COLGALT1: variants seen among roughly 807,000 people sequenced by gnomAD.
The protein encoded by COLGALT1 is procollagen galactosyltransferase 1.
A neutral mutation model predicts 60.8 loss-of-function variants in COLGALT1; 43 were observed. The ratio of observed to expected loss-of-function variants is 0.71; its 90% confidence interval spans 0.55 to 0.91. The LOEUF is 0.91. COLGALT1 is among the 40% of genes least tolerant of loss of function. The pLI is 0.00. For missense variants in COLGALT1, 845 were observed against 880.0 expected, an observed-to-expected ratio of 0.96 and a Z score of 0.50; for synonymous variants, 369 against 374.2, an observed-to-expected ratio of 0.99 and a Z score of 0.16.
At chr19:17,577,003 T>TGAGAGGCAGGACTGGGGGCGGGGTGAAGA in intron 6 of COLGALT1, 192 bp from the exon 7 acceptor site, 1 of 587,588 alleles carries the variant, frequency 1.7e-6, no homozygotes. Context: ...TGGCCAGGGC[T>TGAGAGGCAGGACTGGGGGCGGGGTGAAGA]TTGGGCTGCT....
rs1207726925 is a variant in COLGALT1, at chr19:17,555,754, C to T, written c.41C>T (p.Pro14Leu). The change falls in exon 1 of 12, where the codon CCG becomes CTG. Residue 14 changes from proline to leucine, a missense_variant. Transcript: ENST00000252599. ...APRAGRRRGQPLLALLLLLLA... is the reference protein window; with the variant it reads ...APRAGRRRGQLLLALLLLLLA... ...CGCGCGGGCCGGCGGCGCGGGCAGC[C>T]GCTCCTGGCGCTGCTGCTTCTGCTG... 4.1e-6 allele frequency: 5 copies of T among 1,215,418 alleles called. No individual in the cohort carries two copies. The highest frequency in any genetic ancestry group is 4.1e-5 in the South Asian group (1 of 24,400). The allele number at this position is 1,215,418 out of a possible 1,614,324, so 75.3% of individuals were successfully genotyped here.
rs1568476830 is a variant in COLGALT1 at position 17,568,613 on chromosome 19, GAAGGCGGCGTCCA to G, written c.730_742del (p.Lys244GlyfsTer70). ...ACTCGACCTTCCTGATCGACCTGCG[GAAGGCGGCGTCCA>G]GGAACCTGGCCTTCTACCCACCTCA... On this transcript the variant is annotated frameshift_variant, in exon 5 of 12. Transcript: ENST00000252599. LOFTEE classifies it high-confidence loss of function. 1.2e-6 allele frequency: 2 copies of G among 1,614,220 alleles called. No individual in the cohort carries two copies. Among genetic ancestry groups the G allele is most frequent in the East Asian group, 4.5e-5 (2 of 44,884 alleles).
rs1322998172 is a variant in COLGALT1, at chr19:17,582,230, T to C, written c.*786T>C. 6.6e-6 allele frequency: 1 copy of C among 152,128 alleles called. No individual in the cohort carries two copies. The highest frequency in any genetic ancestry group is 1.5e-5 in the Non-Finnish European group (1 of 68,020). 9.4% of individuals were successfully genotyped at this position (152,128 alleles called of 1,614,324 possible). A position where few individuals can be genotyped will look rare whatever the true frequency, so the allele number is the denominator to read the frequency against. ...AGCCCAGGCTCTGGGAATATTGAGATAAATAAGATGCTTCTATCCATTTAT... is the reference window on the plus strand; with the variant it reads ...AGCCCAGGCTCTGGGAATATTGAGACAAATAAGATGCTTCTATCCATTTAT... On this transcript the variant is annotated 3_prime_UTR_variant, in exon 12 of 12. Coordinates refer to ENST00000252599, the MANE Select transcript of COLGALT1 (RefSeq NM_024656.4).
rs772308277 is a variant in COLGALT1 at position 17,577,490 on chromosome 19, G to A, written c.1133+23G>A. The A allele has an allele frequency of 1.4e-5, 5 of 345,990 alleles. 1 individual carries two copies. Among genetic ancestry groups the A allele is most frequent in the African/African-American group, 4.5e-5 (2 of 44,724 alleles). The allele number at this position is 345,990 out of a possible 1,614,324, so 21.4% of individuals were successfully genotyped here. A position where few individuals can be genotyped will look rare whatever the true frequency, so the allele number is the denominator to read the frequency against. ...CAAGTGAGTCCGAGGCCTGGGGGTG[G>A]GGGGGCGGGTCCGCACGTGGATGTG... is the stretch of plus-strand genomic sequence containing the variant. On this transcript the variant is annotated intron_variant, in intron 8 of 11. Transcript: ENST00000252599.
chr19:17,572,369 C>G (rs1438877345), intron 5 of COLGALT1, 114 bp from the exon 6 acceptor site: 1 of 1,523,340 alleles, frequency 6.6e-7, no homozygotes, highest in East Asian at 2.3e-5. Context: ...GTCTCAGACA[C>G]CTGACCTCAA....
At chr19:17,568,851 T>C (rs2076295692) in intron 5 of COLGALT1, 138 bp downstream of exon 5, 2 of 802,196 alleles carry the variant, frequency 2.5e-6, no homozygotes, top group African/African-American at 3.4e-5. Flanking sequence ...TGCAGCTGTA[T>C]CTAGGTGTTC....
At chr19:17,578,117 G>C in intron 9 of COLGALT1, 28 bp downstream of exon 9, 2 of 1,574,150 alleles carry the variant, frequency 1.3e-6, no homozygotes, top group South Asian at 2.3e-5. Context: ...GGCGGGGCCA[G>C]AGTTATGACT....
At position 17,583,134 on chromosome 19, in the gene COLGALT1, A is replaced by G. The variant is rs2076394923; in HGVS notation, c.*1690A>G. ...TGGGGATAACTTGCTTAGTTTTTTA[A>G]TAAATGTTCCTGGTTGGTTTTCACA... On this transcript the variant is annotated 3_prime_UTR_variant, in exon 12 of 12. Transcript: ENST00000252599. The G allele has an allele frequency of 6.6e-6, 1 of 152,158 alleles. No individual in the cohort carries two copies. The highest frequency in any genetic ancestry group is 2.1e-4 in the South Asian group (1 of 4,832). The allele number at this position is 152,158 out of a possible 1,614,324, so 9.4% of individuals were successfully genotyped here. A position where few individuals can be genotyped will look rare whatever the true frequency, so the allele number is the denominator to read the frequency against.
chr19:17,579,167 CAAAAA>C (rs773192619), intron 9 of COLGALT1, among the ~76,000 whole-genome samples: 1 of 75,790 alleles, frequency 1.3e-5, no homozygotes, highest in Admixed American at 1.5e-4. Flanking sequence ...GACTCCGTCT[CAAAAA>C]AAAAAAAAAA....
At chr19:17,562,534 C>T (rs1866400557) in intron 3 of COLGALT1, among the ~76,000 whole-genome samples, 1 of 152,022 alleles carries the variant, frequency 6.6e-6, no homozygotes, top group Non-Finnish European at 1.5e-5. Context: ...TGGTGATGCG[C>T]GCCTGTAACC....
intron 6 of COLGALT1, among the ~76,000 whole-genome samples, chr19:17,574,845 C>G (rs2076332244): frequency 6.6e-6 from 1 of 151,984 alleles, no homozygotes; most frequent in African/African-American, 2.4e-5. Flanking sequence ...TTTAAGTTCT[C>G]ACATATATTT....
intron 1 of COLGALT1, chr19:17,556,685 C>T (rs547175914): frequency 6.8e-5 from 16 of 236,944 alleles, no homozygotes; most frequent in African/African-American, 3.7e-4. Flanking sequence ...CCAAGGTAAG[C>T]GGGTCACTTG....
In COLGALT1 at chr19:17,579,882, G is replaced by A. The variant is rs147224388; in HGVS notation, c.1394+273G>A. 1,065 of 449,100 alleles carry A rather than the reference G, an allele frequency of 2.4e-3. 6 individuals carry two copies. Among genetic ancestry groups the A allele is most frequent in the Non-Finnish European group, 3.7e-3 (896 of 245,030 alleles). The allele number at this position is 449,100 out of a possible 1,614,324, so 27.8% of individuals were successfully genotyped here. On this transcript the variant is annotated intron_variant, in intron 10 of 11. Transcript: ENST00000252599. The stretch of plus-strand genomic sequence containing the variant: ...TCTGGGTGTGGTCAGGGTGGCAGGC[G>A]TGGCCAACCCTTGGAAGCGTAGCAG...
chr19:17,577,938 C>G lies in COLGALT1; in HGVS notation c.1134-19C>G, dbSNP rs916302875. 2 of 1,592,044 alleles carry G rather than the reference C, an allele frequency of 1.3e-6. No individual in the cohort carries two copies. Among genetic ancestry groups the G allele is most frequent in the Non-Finnish European group, 1.7e-6 (2 of 1,166,772 alleles). On this transcript the variant is annotated intron_variant, in intron 8 of 11. Transcript: ENST00000252599. ...GGCAGGGTGAACCTTCTTCGTGACC[C>G]TCTCCTCCTCCTCTCCAGAGCCATG...
At position 17,561,631 on chromosome 19, in the gene COLGALT1, CAAAAAAAAA is replaced by C. The variant is rs11332403; in HGVS notation, c.489+1183_489+1191del. Among the ~76,000 whole-genome samples the C allele has an allele frequency of 1.0e-3, 76 of 72,756 alleles. 1 individual carries two copies. Among genetic ancestry groups the C allele is most frequent in the Non-Finnish European group, 1.5e-3 (61 of 40,578 alleles). The allele number at this position is 72,756 out of a possible 152,430, so 47.7% of individuals were successfully genotyped here. A position where few individuals can be genotyped will look rare whatever the true frequency, so the allele number is the denominator to read the frequency against. On this transcript the variant is annotated intron_variant, in intron 3 of 11. Coordinates refer to ENST00000252599, the MANE Select transcript of COLGALT1 (RefSeq NM_024656.4). ...TGGGCCACAGTATGAGACTCTGTCT[CAAAAAAAAA>C]AAAAAAAAAAAAAAAACAGACTTAT...
Position 17,555,764 on chromosome 19 carries a change from GCTGCTGCTT to G in COLGALT1, c.60_68del (p.Leu21_Leu23del). The G allele has an allele frequency of 1.6e-6, 2 of 1,227,108 alleles. No individual in the cohort carries two copies. Among genetic ancestry groups the G allele is most frequent in the Non-Finnish European group, 2.0e-6 (2 of 985,320 alleles). The allele number at this position is 1,227,108 out of a possible 1,614,324, so 76.0% of individuals were successfully genotyped here. On this transcript the variant is annotated inframe_deletion, in exon 1 of 12. Transcript: ENST00000252599. ...GGCGGCGCGGGCAGCCGCTCCTGGC[GCTGCTGCTT>G]CTGCTGCTGGCGCCACTGCCGCCGG... is the stretch of plus-strand genomic sequence containing the variant.
intron 5 of COLGALT1, among the ~76,000 whole-genome samples, chr19:17,569,118 G>A (rs928232904): frequency 2.6e-5 from 4 of 151,998 alleles, no homozygotes; most frequent in Non-Finnish European, 5.9e-5. Flanking sequence ...AGGCTGAGGC[G>A]GGAGGATCAC....
In COLGALT1 at chr19:17,580,741, G is replaced by C; in HGVS notation, c.1437G>C (p.Lys479Asn). 1 of 1,614,100 alleles carries C rather than the reference G, an allele frequency of 6.2e-7. No homozygotes were observed. The highest frequency in any genetic ancestry group is 1.1e-5 in the South Asian group (1 of 91,078). Residue 479 changes from lysine to asparagine, a missense_variant, in exon 11 of 12, where the codon AAG becomes AAC. Physicochemically the swap from Lys to Asn is moderately conservative, Grantham distance 94. Transcript: ENST00000252599. ...GGATGCAGGTGGAGCACCCCGAGAAGGCTGTGCCTCGCGTGAGGAACCTGG... is the reference window on the plus strand; with the variant it reads ...GGATGCAGGTGGAGCACCCCGAGAACGCTGTGCCTCGCGTGAGGAACCTGG... ...RKRMQVEHPE[K>N]AVPRVRNLVE...
Position 17,572,504 on chromosome 19 carries a change from A to G in COLGALT1, c.851A>G (p.Asn284Ser), listed in dbSNP as rs1268979044. Reference sequence around the variant, plus strand: ...GCAGAGGTTCAGATGTATGTGTGCAACAAGGAGGAGTACGGATTCTTGCCA... The same window carrying G: ...GCAGAGGTTCAGATGTATGTGTGCAGCAAGGAGGAGTACGGATTCTTGCCA... ...KQAEVQMYVC[N>S]KEEYGFLPVP... Residue 284 changes from asparagine to serine, a missense_variant, in exon 6 of 12, where the codon AAC becomes AGC. Transcript: ENST00000252599. 1 of 1,614,106 alleles carries G rather than the reference A, an allele frequency of 6.2e-7. No individual in the cohort carries two copies. The highest frequency in any genetic ancestry group is 8.5e-7 in the Non-Finnish European group (1 of 1,180,014).
Sources: gnomAD v4.1 joint callset for allele counts (sites outside exome capture counted in the v4.1 genomes callset) on GRCh38, gnomAD v4.1.1 for gene constraint, MANE v1.5 for transcripts, NCBI Gene and HGNC (gene_info 2026-07-23, HGNC 2026-07-21) for gene names.